Variants in TULP4 observed in about 807,000 individuals in gnomAD.
TULP4 encodes the protein TUB like protein 4.
In TULP4, 16 loss-of-function variants were observed where a neutral mutation model predicts 129.0. That is an observed-to-expected ratio of 0.12 (90% CI 0.08 to 0.19). The LOEUF (loss-of-function observed/expected upper bound fraction) is 0.19. Ranked by LOEUF, TULP4 falls within the 10% of genes least tolerant of loss-of-function variation. TULP4 has a pLI of 1.00. For synonymous variants in TULP4, 998 were observed against 854.0 expected (o/e 1.17, Z -2.94); for missense variants, 1,842 against 2,059.1 (o/e 0.89, Z 2.04).
chr6:158,441,381 A>G (rs537741539), intron 3 of TULP4, among the ~76,000 whole-genome samples: 14 of 152,350 alleles, frequency 9.2e-5, no homozygotes, highest in African/African-American at 3.1e-4. Flanking sequence ...CTTGTCACAT[A>G]TACCTTCTTA....
chr6:158,434,231 A>C (rs1778700240), intron 3 of TULP4, among the ~76,000 whole-genome samples: 1 of 152,228 alleles, frequency 6.6e-6, no homozygotes, highest in Non-Finnish European at 1.5e-5. Flanking sequence ...AACAAAATTC[A>C]ACATATGAGT....
intron 1 of TULP4, among the ~76,000 whole-genome samples, chr6:158,263,422 A>T (rs1255718500): frequency 1.3e-5 from 2 of 152,218 alleles, no homozygotes; most frequent in African/African-American, 4.8e-5. Context: ...CTGAGCTGCT[A>T]AAGACTTTAT....
chr6:158,294,931 C>T (rs1779003014), intron 1 of TULP4, among the ~76,000 whole-genome samples: 1 of 152,098 alleles, frequency 6.6e-6, no homozygotes, highest in South Asian at 2.1e-4. Flanking sequence ...CTATGTTGCC[C>T]AGGTCCTGGG....
intron 1 of TULP4, among the ~76,000 whole-genome samples, chr6:158,405,636 C>T (rs1351645838): frequency 6.6e-6 from 1 of 152,112 alleles, no homozygotes; most frequent in Non-Finnish European, 1.5e-5. Context: ...TAGACACATT[C>T]CAGAGCCACG....
chr6:158,392,121 A>G (rs1316727643), intron 1 of TULP4, among the ~76,000 whole-genome samples: 1 of 152,214 alleles, frequency 6.6e-6, no homozygotes, highest in Non-Finnish European at 1.5e-5. Flanking sequence ...AGGCCTCACA[A>G]TCACAGCAGA....
rs971521489 is a variant in TULP4, at chr6:158,283,166, A to G, written n.116+788A>G. Among the ~76,000 whole-genome samples, 10 of 151,778 alleles carry G rather than the reference A, an allele frequency of 6.6e-5. No homozygotes were observed. The South Asian group carries it at 1.0e-3, about 16-fold the overall frequency. ...AAAAAAAAAAACAAAAAAAAACCCT[A>G]TAAAGACGTTCATCTGTAAGAACCT... On this transcript the variant is annotated intron_variant and non_coding_transcript_variant, in intron 1 of 1. Transcript: ENST00000432358.
At chr6:158,374,614 C>T (rs1030026617) in intron 1 of TULP4, among the ~76,000 whole-genome samples, 3 of 152,204 alleles carry the variant, frequency 2.0e-5, no homozygotes, top group Non-Finnish European at 2.9e-5. Flanking sequence ...TGTTTTACTT[C>T]TTAAAGTCTT....
Position 158,511,621 on chromosome 6 carries a change from G to T in TULP4, c.*4927G>T, listed in dbSNP as rs573822845. The T allele has an allele frequency of 1.3e-5, 2 of 152,650 alleles. No individual in the cohort carries two copies. The highest frequency in any genetic ancestry group is 2.9e-5 in the Non-Finnish European group (2 of 68,018). The allele number at this position is 152,650 out of a possible 1,614,324, so 9.5% of individuals were successfully genotyped here. ...CGTTTTAATGAGCTCATCCTTATTT[G>T]CCTTTCTTCTTACGTATTTTGTGTA... On this transcript the variant is annotated 3_prime_UTR_variant, in exon 14 of 14. Coordinates refer to ENST00000367097, the MANE Select transcript of TULP4 (RefSeq NM_020245.5).
intron 1 of TULP4, among the ~76,000 whole-genome samples, chr6:158,253,913 C>T (rs1778193935): frequency 6.6e-6 from 1 of 152,020 alleles, no homozygotes; most frequent in Non-Finnish European, 1.5e-5. Context: ...TGGCAGGCAC[C>T]TGTAATCAGA....
At chr6:158,288,429 AT>A (rs1778866605) in intron 1 of TULP4, among the ~76,000 whole-genome samples, 1 of 151,962 alleles carries the variant, frequency 6.6e-6, no homozygotes, top group South Asian at 2.1e-4. Flanking sequence ...TTTGCTATAG[AT>A]TGTAGGTAAA....
chr6:158,260,550 C>T (rs1417181097), intron 1 of TULP4, among the ~76,000 whole-genome samples: 4 of 145,406 alleles, frequency 2.8e-5, no homozygotes, highest in Non-Finnish European at 6.0e-5. Context: ...CACTCCAACC[C>T]GGGCAACAGA....
chr6:158,466,863 T>C (rs1310718499), intron 6 of TULP4, among the ~76,000 whole-genome samples: 3 of 121,576 alleles, frequency 2.5e-5, no homozygotes, highest in Non-Finnish European at 5.0e-5. Context: ...CACCTGCTCT[T>C]TGTGGGTATT....
chr6:158,310,710 G>A (rs1427211444), upstream of TULP4, among the ~76,000 whole-genome samples: 1 of 152,088 alleles, frequency 6.6e-6, no homozygotes, highest in Non-Finnish European at 1.5e-5. Context: ...ATTTGGAGGG[G>A]CCAAACATTC....
At position 158,503,083 on chromosome 6, in the gene TULP4, A is replaced by T. The variant is rs201041899; in HGVS notation, c.3420A>T (p.Ala1140=). The T allele has an allele frequency of 6.0e-5, 97 of 1,613,986 alleles. No homozygotes were observed. The highest frequency in any genetic ancestry group is 8.0e-5 in the Non-Finnish European group (94 of 1,179,994). Residue 1140 remains alanine (A), a synonymous_variant, in exon 13 of 14, where the codon GCA becomes GCT. Transcript: ENST00000367097. The surrounding 1 kb of genome is among the most constrained non-coding windows in gnomAD (Gnocchi z 4.3). ...EDVWVPQERT[A]QTSGPNPLKL... ...TTTGGGTTCCTCAAGAAAGGACAGC[A>T]CAGACTTCAGGGCCCAACCCCTTAA...
rs1292164595 is a variant in TULP4, at chr6:158,234,307, AT to A, written n.68+2005del. Among the ~76,000 whole-genome samples, 34 of 150,870 alleles carry A rather than the reference AT, an allele frequency of 2.3e-4. 1 individual carries two copies. The highest frequency in any genetic ancestry group is 3.0e-5 in the Non-Finnish European group (2 of 67,786). On this transcript the variant is annotated intron_variant and non_coding_transcript_variant, in intron 1 of 1. Coordinates refer to the TULP4 transcript ENST00000620026. ...CCTGAAGCCTGTTTTAAATGGAATC[AT>A]CCAACATTGATGCTGAGATGGCGAG...
In TULP4 at chr6:158,365,875, CTTTTTTTT is replaced by C. The variant is rs765731288; in HGVS notation, c.253-47184_253-47177del. On this transcript the variant is annotated intron_variant, in intron 1 of 13. Transcript: ENST00000367097. The stretch of plus-strand genomic sequence containing the variant: ...GATGGTTGAGTTTTGGTTCGTTTTT[CTTTTTTTT>C]TTTTTCTTTTTCTTTCTTTTTTTTT... Among the ~76,000 whole-genome samples, 215 of 71,122 alleles carry C rather than the reference CTTTTTTTT, an allele frequency of 3.0e-3. 1 individual carries two copies. Among genetic ancestry groups the C allele is most frequent in the Non-Finnish European group, 5.3e-3 (177 of 33,484 alleles). 46.7% of individuals were successfully genotyped at this position (71,122 alleles called of 152,430 possible).
intron 1 of TULP4, among the ~76,000 whole-genome samples, chr6:158,268,334 C>T (rs150679426): frequency 1.4e-3 from 216 of 152,186 alleles, no homozygotes; most frequent in Non-Finnish European, 2.5e-3. Context: ...CCACTGCACC[C>T]GGCCTTGTTT....
chr6:158,270,022 A>G (rs1346979166), intron 1 of TULP4, among the ~76,000 whole-genome samples: 1 of 152,218 alleles, frequency 6.6e-6, no homozygotes, highest in Admixed American at 6.5e-5. Flanking sequence ...TAATTGTTTT[A>G]AAGTTAAATA....
Position 158,481,166 on chromosome 6 carries a change from G to A in TULP4, c.1363G>A (p.Gly455Ser), listed in dbSNP as rs771004127. Residue 455 changes from glycine (G) to serine (S), a missense_variant, in exon 8 of 14, where the codon GGC becomes AGC. Coordinates refer to ENST00000367097, the MANE Select transcript of TULP4 (RefSeq NM_020245.5). The stretch of plus-strand genomic sequence containing the variant: ...CACAGAGGACGACCCGGAGGTGGGC[G>A]GCCCGTGCTACACGCTCTACCTGGA... ...KRTEDDPEVG[G>S]PCYTLYLEYL... 1.6e-5 allele frequency: 26 copies of A among 1,614,060 alleles called. No homozygotes were observed. The highest frequency in any genetic ancestry group is 9.9e-5 in the South Asian group (9 of 91,084).
Sources: allele counts gnomAD v4.1 joint callset (sites outside exome capture counted in the v4.1 genomes callset), GRCh38; gene constraint gnomAD v4.1.1; non-coding constraint Gnocchi (gnomAD v3.1); transcripts MANE v1.5; gene names NCBI Gene and HGNC (gene_info 2026-07-23, HGNC 2026-07-21).